Variants in DENND3 observed in about 807,000 individuals in gnomAD.
The protein encoded by DENND3 is DENN domain-containing protein 3.
DENND3 carries 88 observed loss-of-function variants against 135.1 expected under a neutral mutation model. The ratio of observed to expected loss-of-function variants is 0.65; its 90% CI spans 0.55 to 0.78. The LOEUF is 0.78. Ranked by LOEUF, DENND3 falls within the 30% of genes least tolerant of loss-of-function variation. The pLI, the probability that DENND3 is intolerant of heterozygous loss-of-function variation, is 0.00. For synonymous variants in DENND3, 693 were observed against 712.3 expected (o/e 0.97, Z 0.43); for missense variants, 1,392 against 1,688.4 (o/e 0.82, Z 3.08).
At chr8:141,135,427 C>G (rs776323720) in intron 1 of DENND3, among the ~76,000 whole-genome samples, 3 of 152,246 alleles carry the variant, frequency 2.0e-5, no homozygotes, top group Non-Finnish European at 2.9e-5. Flanking sequence ...GCTGGGATCA[C>G]AGGCGTGAGC....
chr8:141,155,705 C>T (rs953040771), intron 7 of DENND3, 144 bp from the exon 8 acceptor site: 2 of 1,067,610 alleles, frequency 1.9e-6, no homozygotes, highest in African/African-American at 1.6e-5. Flanking sequence ...CTGCACCCGG[C>T]CTATGTGTGC....
Position 141,136,500 on chromosome 8 carries a change from C to A in DENND3, c.103-9C>A. 1.3e-6 allele frequency: 2 copies of A among 1,536,660 alleles called. No individual in the cohort carries two copies. Among genetic ancestry groups the A allele is most frequent in the East Asian group, 4.9e-5 (2 of 40,760 alleles). On this transcript the variant is annotated splice_polypyrimidine_tract_variant and intron_variant, in intron 1 of 22. Coordinates refer to ENST00000519811, the MANE Select transcript of DENND3 (RefSeq NM_001352890.3). Reference sequence around the variant, plus strand: ...CTGTGGCAGTAACTCTTATTTTTCCCTTTTTTAGGTTGCTTATAAAAAGGG... The same window carrying A: ...CTGTGGCAGTAACTCTTATTTTTCCATTTTTTAGGTTGCTTATAAAAAGGG...
At position 141,168,126 on chromosome 8, in the gene DENND3, T is replaced by G. The variant is rs1307554063; in HGVS notation, c.1876T>G (p.Cys626Gly). ...TGTCTCCATGCTGAGCGAGGCCATGTGCTTTCTGGCCCCCGATAACTCTCT... is the reference window on the plus strand; with the variant it reads ...TGTCTCCATGCTGAGCGAGGCCATGGGCTTTCTGGCCCCCGATAACTCTCT... ...HFVSMLSEAM[C>G]FLAPDNSLLL... is the part of the protein sequence containing the mutation. Residue 626 changes from cysteine to glycine, a missense_variant, in exon 13 of 23, where the codon TGC becomes GGC. Cys to Gly is a radical substitution (Grantham distance 159). Transcript: ENST00000519811. This position sits in a 1 kb window ranked among gnomAD's most constrained non-coding sequence, Gnocchi z 6.2. The G allele has an allele frequency of 1.2e-6, 2 of 1,614,124 alleles. No individual in the cohort carries two copies. Among genetic ancestry groups the G allele is most frequent in the African/African-American group, 2.7e-5 (2 of 74,942 alleles).
At chr8:141,148,941 G>C (rs918188362) in intron 5 of DENND3, among the ~76,000 whole-genome samples, 1 of 147,322 alleles carries the variant, frequency 6.8e-6, no homozygotes, top group Non-Finnish European at 1.5e-5. Flanking sequence ...GAGGAGTTTC[G>C]CTCTTGTTGC....
intron 13 of DENND3, among the ~76,000 whole-genome samples, chr8:141,169,468 C>T (rs1026010709): frequency 1.3e-5 from 2 of 152,218 alleles, no homozygotes; most frequent in Non-Finnish European, 2.9e-5. Context: ...ACCATGGCCT[C>T]GGCTGAAATG....
intron 10 of DENND3, among the ~76,000 whole-genome samples, chr8:141,163,992 A>G (rs969834290): frequency 6.6e-6 from 1 of 151,938 alleles, no homozygotes; most frequent in African/African-American, 2.4e-5. Context: ...ACAAATGTAC[A>G]TATCTGTATC....
intron 1 of DENND3, among the ~76,000 whole-genome samples, chr8:141,132,622 G>T (rs1816266403): frequency 6.6e-6 from 1 of 152,206 alleles, no homozygotes; most frequent in Non-Finnish European, 1.5e-5. Flanking sequence ...CTCCCAAAGT[G>T]CTGGGATTAC....
chr8:141,135,718 T>C (rs1272020946), intron 1 of DENND3, among the ~76,000 whole-genome samples: 1 of 152,126 alleles, frequency 6.6e-6, no homozygotes, highest in African/African-American at 2.4e-5. Flanking sequence ...GGAAGAGAGA[T>C]TGAAGGGATG....
Position 141,180,823 on chromosome 8 carries a change from A to C in DENND3, c.2913A>C (p.Pro971=). 6.2e-7 allele frequency: 1 copy of C among 1,613,044 alleles called. No individual in the cohort carries two copies. The highest frequency in any genetic ancestry group is 1.3e-5 in the African/African-American group (1 of 74,934). ...ACCCCTCGGCGGGGGAGGCGTTCCC[A>C]CAAGCGGTGGACGTGCTGCTCTACA... The part of the protein sequence containing the change: ...KINPSAGEAF[P]QAVDVLLYTP... Residue 971 remains proline (P), a synonymous_variant, in exon 17 of 23, where the codon CCA becomes CCC. Coordinates refer to ENST00000519811, the MANE Select transcript of DENND3 (RefSeq NM_001352890.3).
Position 141,194,443 on chromosome 8 carries a change from G to T in DENND3, c.*210G>T. 4 of 597,856 alleles carry T rather than the reference G, an allele frequency of 6.7e-6. No homozygotes were observed. The highest frequency in any genetic ancestry group is 8.9e-6 in the Non-Finnish European group (3 of 338,918). 37.0% of individuals were successfully genotyped at this position (597,856 alleles called of 1,614,324 possible). On this transcript the variant is annotated 3_prime_UTR_variant, in exon 23 of 23. Transcript: ENST00000519811. ...GCCCCCTGGTTAAACTGCACCAAGG[G>T]TGTTTCCTGTTGGGGTGTGTCTCAG...
In DENND3 at chr8:141,138,208, C is replaced by A; in HGVS notation, c.501+71C>A. 1.4e-6 allele frequency: 2 copies of A among 1,408,672 alleles called. No individual in the cohort carries two copies. The highest frequency in any genetic ancestry group is 2.0e-6 in the Non-Finnish European group (2 of 1,019,078). 87.3% of individuals were successfully genotyped at this position (1,408,672 alleles called of 1,614,324 possible). A position where few individuals can be genotyped will look rare whatever the true frequency, so the allele number is the denominator to read the frequency against. On this transcript the variant is annotated intron_variant, in intron 3 of 22. Coordinates refer to ENST00000519811, the MANE Select transcript of DENND3 (RefSeq NM_001352890.3). This position sits in a 1 kb window ranked among gnomAD's most constrained non-coding sequence, Gnocchi z 4.8. ...TTATTATGGTGAAATACACATAACA[C>A]AACATTCACCATTCTAACCATTTTA...
rs199822638 is a variant in DENND3, at chr8:141,150,897, C to A, written c.799C>A (p.Leu267Met). ...CCGAGCAGACCCCGAAAGCCCCATCCTGGACCTGGACCTTCACCTGCCCTT... is the reference window on the plus strand; with the variant it reads ...CCGAGCAGACCCCGAAAGCCCCATCATGGACCTGGACCTTCACCTGCCCTT... ...PARADPESPI[L>M]DLDLHLPLLC... is the part of the protein sequence containing the mutation. Residue 267 changes from leucine to methionine, a missense_variant, in exon 6 of 23, where the codon CTG (leucine) becomes ATG (methionine). Leu to Met is a conservative substitution (Grantham distance 15). Coordinates refer to ENST00000519811, the MANE Select transcript of DENND3 (RefSeq NM_001352890.3). 1 of 1,610,206 alleles carries A rather than the reference C, an allele frequency of 6.2e-7. No individual in the cohort carries two copies. The highest frequency in any genetic ancestry group is 8.5e-7 in the Non-Finnish European group (1 of 1,179,112).
chr8:141,166,281 A>G lies in DENND3; in HGVS notation c.1645A>G (p.Met549Val), dbSNP rs966061937. 1.1e-5 allele frequency: 17 copies of G among 1,614,118 alleles called. No individual in the cohort carries two copies. The highest frequency in any genetic ancestry group is 1.4e-5 in the Non-Finnish European group (16 of 1,180,044). Reference sequence around the variant, plus strand: ...GCACCTGCATGTCACCCACAGGCGCATGGTGGTCAGCATGCCCAACCTGCA... The same window carrying G: ...GCACCTGCATGTCACCCACAGGCGCGTGGTGGTCAGCATGCCCAACCTGCA... ...SSHLHVTHRR[M>V]VVSMPNLQDI... The change falls in exon 12 of 23, where the codon ATG becomes GTG. Residue 549 changes from methionine (M) to valine (V), a missense_variant. Met to Val is a conservative substitution (Grantham distance 21). Coordinates refer to ENST00000519811, the MANE Select transcript of DENND3 (RefSeq NM_001352890.3). The surrounding 1 kb of genome is among the most constrained non-coding windows in gnomAD (Gnocchi z 4.3).
intron 8 of DENND3, among the ~76,000 whole-genome samples, chr8:141,156,550 C>CCATTCATTCATTCATTCACTCATTCATT (rs1819452199): frequency 1.3e-5 from 2 of 152,240 alleles, no homozygotes; most frequent in Non-Finnish European, 2.9e-5. Context: ...AGTTCCCTAT[C>CCATTCATTCATTCATTCACTCATTCATT]CATTCATTCA....
chr8:141,152,688 C>A (rs1589595429), intron 7 of DENND3, among the ~76,000 whole-genome samples: 1 of 152,166 alleles, frequency 6.6e-6, no homozygotes, highest in Admixed American at 6.5e-5. Flanking sequence ...GTTGTTTCCA[C>A]CTTTTGGCTG....
chr8:141,180,551 G>C (rs1822961148), intron 16 of DENND3, among the ~76,000 whole-genome samples, 196 bp from the exon 17 acceptor site: 1 of 152,174 alleles, frequency 6.6e-6, no homozygotes, highest in African/African-American at 2.4e-5. Flanking sequence ...CGCACACCAG[G>C]TGACAACCAG....
Position 141,168,420 on chromosome 8 carries a change from C to T in DENND3, c.2170C>T (p.Pro724Ser). ...CGACCACGTGAAGAAGTTCAAGCTG[C>T]CCAAGAAGCACATGCAGCTGGGCGA... ...LDDHVKKFKLPKKHMQLGDFM... is the reference protein window; with the variant it reads ...LDDHVKKFKLSKKHMQLGDFM... The change falls in exon 13 of 23, where the codon CCC (proline) becomes TCC (serine). Residue 724 changes from proline to serine, a missense_variant. By Grantham distance (74) the Pro-to-Ser change is moderately conservative (BLOSUM62 -1). Coordinates refer to ENST00000519811, the MANE Select transcript of DENND3 (RefSeq NM_001352890.3). This position sits in a 1 kb window ranked among gnomAD's most constrained non-coding sequence, Gnocchi z 6.2. The T allele has an allele frequency of 6.2e-7, 1 of 1,613,848 alleles. No homozygotes were observed. The highest frequency in any genetic ancestry group is 8.5e-7 in the Non-Finnish European group (1 of 1,180,038).
At chr8:141,151,988 C>T (rs1311059606) in intron 7 of DENND3, 151 bp downstream of exon 7, 6 of 962,910 alleles carry the variant, frequency 6.2e-6, no homozygotes, top group Non-Finnish European at 9.3e-6. Flanking sequence ...TGGCTGTTCA[C>T]TCACTGTGTC....
intron 16 of DENND3, among the ~76,000 whole-genome samples, chr8:141,178,456 A>G (rs1822679116): frequency 6.6e-6 from 1 of 152,224 alleles, no homozygotes; most frequent in South Asian, 2.1e-4. Context: ...TGCAATGTAC[A>G]CTGCAAGCAT....
Sources: gnomAD v4.1 joint callset for allele counts (sites outside exome capture counted in the v4.1 genomes callset) on GRCh38, gnomAD v4.1.1 for gene constraint, Gnocchi (gnomAD v3.1) non-coding constraint, MANE v1.5 for transcripts, NCBI Gene and HGNC (gene_info 2026-07-23, HGNC 2026-07-21) for gene names.